TTC14: variants seen among roughly 807,000 people sequenced by gnomAD.
TTC14 encodes the protein tetratricopeptide repeat protein 14.
TTC14 carries 63 observed loss-of-function variants against 79.9 expected under a neutral mutation model. That is an observed-to-expected ratio of 0.79 (90% CI 0.64 to 0.97). The LOEUF (loss-of-function observed/expected upper bound fraction) is 0.97. Among genes scored for constraint, TTC14 ranks in the 50% least tolerant of loss-of-function variants. The pLI is 0.00. For synonymous variants in TTC14, 335 were observed against 309.6 expected (o/e 1.08, Z -0.86); for missense variants, 895 against 894.0 (o/e 1.00, Z -0.01).
intron 9 of TTC14, 141 bp downstream of exon 9, chr3:180,606,744 A>G (rs974684703): frequency 9.6e-6 from 10 of 1,043,604 alleles, no homozygotes; most frequent in South Asian, 8.7e-5. Context: ...AGTACAAGAG[A>G]TTAGGCAAAT....
chr3:180,611,479 C>A (rs1226359083), downstream of TTC14, among the ~76,000 whole-genome samples: 2 of 152,170 alleles, frequency 1.3e-5, no homozygotes, highest in Admixed American at 1.3e-4. Flanking sequence ...CTTACCACCT[C>A]CTGTGCCTTG....
In TTC14 at chr3:180,610,614, G is replaced by T; in HGVS notation, c.*72G>T. ...GTTTTTGGTTGTATTAGTCATAACA[G>T]TTGAGTGCAGAAATCTCTGCTTCTA... On this transcript the variant is annotated 3_prime_UTR_variant, in exon 12 of 12. Coordinates refer to ENST00000296015, the MANE Select transcript of TTC14 (RefSeq NM_133462.4). 1 of 1,497,662 alleles carries T rather than the reference G, an allele frequency of 6.7e-7. No individual in the cohort carries two copies. Among genetic ancestry groups the T allele is most frequent in the Non-Finnish European group, 8.8e-7 (1 of 1,130,134 alleles). 92.8% of individuals were successfully genotyped at this position (1,497,662 alleles called of 1,614,324 possible).
chr3:180,614,846 G>T, downstream of TTC14: 1 of 1,350,712 alleles, frequency 7.4e-7, no homozygotes, highest in South Asian at 1.4e-5. Flanking sequence ...TAGATAAAAT[G>T]TGTTGGGTCG....
chr3:180,615,943 A>T (rs933162827), downstream of TTC14, among the ~76,000 whole-genome samples: 3 of 152,198 alleles, frequency 2.0e-5, no homozygotes, highest in Admixed American at 6.5e-5. Context: ...ACATGTTTTT[A>T]AAAAAATTCC....
At chr3:180,607,951 A>G in intron 10 of TTC14, 186 bp downstream of exon 10, 4 of 1,346,628 alleles carry the variant, frequency 3.0e-6, no homozygotes, top group Non-Finnish European at 3.8e-6. Flanking sequence ...TCCATAATCG[A>G]AAGTAAAGAT....
intron 11 of TTC14, chr3:180,609,362 A>G (rs1163665086): frequency 4.4e-6 from 5 of 1,131,506 alleles, no homozygotes; most frequent in Admixed American, 4.4e-5. Context: ...TTATGTGTTC[A>G]GTAGTCTTAA....
rs375755611 is a variant in TTC14, at chr3:180,603,306, G to A, written c.469G>A (p.Ala157Thr). The A allele has an allele frequency of 3.5e-5, 56 of 1,613,774 alleles. 1 individual carries two copies. The highest frequency in any genetic ancestry group is 4.6e-5 in the Non-Finnish European group (54 of 1,179,868). The stretch of plus-strand genomic sequence containing the variant: ...AGGAAGTGGTATCATGAGAGATATA[G>A]CCCACTTAGAAATCACAGTAAGTTA... ...CLGSGIMRDIAHLEITALCPL... is the reference protein window; with the variant it reads ...CLGSGIMRDITHLEITALCPL... The change falls in exon 3 of 12, where the codon GCC becomes ACC. Residue 157 changes from alanine to threonine, a missense_variant. Physicochemically the swap from Ala to Thr is moderately conservative, Grantham distance 58. Coordinates refer to ENST00000296015, the MANE Select transcript of TTC14 (RefSeq NM_133462.4).
In TTC14 at chr3:180,610,639, A is replaced by G; in HGVS notation, c.*97A>G. 6.7e-7 allele frequency: 1 copy of G among 1,482,176 alleles called. No individual in the cohort carries two copies. The highest frequency in any genetic ancestry group is 1.4e-5 in the African/African-American group (1 of 71,228). The allele number at this position is 1,482,176 out of a possible 1,614,324, so 91.8% of individuals were successfully genotyped here. ...GTTGAGTGCAGAAATCTCTGCTTCT[A>G]AAATTATTTGTAGAGATTACAGGAA... On this transcript the variant is annotated 3_prime_UTR_variant, in exon 12 of 12. Coordinates refer to ENST00000296015, the MANE Select transcript of TTC14 (RefSeq NM_133462.4).
downstream of TTC14, chr3:180,614,403 G>A (rs1443781086): frequency 3.3e-5 from 5 of 151,894 alleles, no homozygotes; most frequent in Non-Finnish European, 5.9e-5. Flanking sequence ...AGGGGTTGAT[G>A]CTATTTTTTG....
downstream of TTC14, chr3:180,614,586 T>C: frequency 4.9e-6 from 1 of 205,520 alleles, no homozygotes; most frequent in Non-Finnish European, 9.7e-6. Context: ...AAATTTCTTC[T>C]TGAAAGATTG....
intron 12 of TTC14, chr3:180,616,758 A>G: frequency 6.3e-7 from 1 of 1,577,282 alleles, no homozygotes; most frequent in Non-Finnish European, 8.6e-7. Context: ...TATTTTTAAT[A>G]GATGAAGGAG....
At position 180,606,541 on chromosome 3, in the gene TTC14, C is replaced by T. The variant is rs752742052; in HGVS notation, c.1110C>T (p.Asn370=). The change falls in exon 9 of 12, where the codon AAC becomes AAT. Residue 370 remains asparagine, a synonymous_variant. Transcript: ENST00000296015. ...AAGATTTTGAGCTTGCATTAGAAAA[C>T]TGTCCAACTCACAGAAATGCAAGAA... ...AIEDFELALE[N]CPTHRNARKY... The T allele has an allele frequency of 6.2e-7, 1 of 1,613,994 alleles. No homozygotes were observed. The highest frequency in any genetic ancestry group is 1.1e-5 in the South Asian group (1 of 91,074).
chr3:180,605,787 T>G lies in TTC14; in HGVS notation c.879T>G (p.Asp293Glu). 1 of 1,567,244 alleles carries G rather than the reference T, an allele frequency of 6.4e-7. No homozygotes were observed. The highest frequency in any genetic ancestry group is 8.6e-7 in the Non-Finnish European group (1 of 1,166,794). Residue 293 changes from aspartate (D) to glutamate (E), a missense_variant, in exon 7 of 12, where the codon GAT becomes GAG. Asp to Glu is a conservative substitution (Grantham distance 45). Transcript: ENST00000296015. ...GLQSKNFSED[D>E]FASALRKKQS... ...ATAGCAAAAATTTCTCTGAAGATGA[T>G]TTTGCTTCTGCATTGAGAAAAAAAC...
chr3:180,609,632 TAAAGAAGA>T lies in TTC14; in HGVS notation c.1415_1422del (p.Arg472IlefsTer11), dbSNP rs1716878546. On this transcript the variant is annotated frameshift_variant, in exon 12 of 12. Coordinates refer to ENST00000296015, the MANE Select transcript of TTC14 (RefSeq NM_133462.4). LOFTEE classifies it high-confidence loss of function. Reference sequence around the variant, plus strand: ...GACAAATGAACTGTTTTTTTTAGGCTAAAGAAGAAAAGAAGAAAATCAACTTCTTCTTC... The same window carrying T: ...GACAAATGAACTGTTTTTTTTAGGCTAAAGAAGAAAATCAACTTCTTCTTC... 6 of 1,547,784 alleles carry T rather than the reference TAAAGAAGA, an allele frequency of 3.9e-6. No homozygotes were observed. Among genetic ancestry groups the T allele is most frequent in the African/African-American group, 1.4e-5 (1 of 72,178 alleles).
chr3:180,603,009 A>G lies in TTC14; in HGVS notation c.280A>G (p.Ser94Gly), dbSNP rs753162761. Residue 94 changes from serine (S) to glycine (G), a missense_variant, in exon 2 of 12, where the codon AGT becomes GGT. By Grantham distance (56) the Ser-to-Gly change is moderately conservative (BLOSUM62 0). Coordinates refer to ENST00000296015, the MANE Select transcript of TTC14 (RefSeq NM_133462.4). ...TGCAACTTCTGAAATTAATGAAGAC[A>G]GTGAAGGTCAGTTTAGCCTTAAAAT... ...APATSEINED[S>G]EDHYAIMPPL... 1.9e-6 allele frequency: 3 copies of G among 1,613,254 alleles called. No homozygotes were observed. The highest frequency in any genetic ancestry group is 2.5e-6 in the Non-Finnish European group (3 of 1,179,810).
rs1410048879 is a variant in TTC14 at position 180,602,958 on chromosome 3, G to C, written c.229G>C (p.Ala77Pro). 1.2e-6 allele frequency: 2 copies of C among 1,613,898 alleles called. No homozygotes were observed. The highest frequency in any genetic ancestry group is 3.3e-5 in the Admixed American group (2 of 59,982). Residue 77 changes from alanine (A) to proline (P), a missense_variant, in exon 2 of 12, where the codon GCA becomes CCA. By Grantham distance (27) the Ala-to-Pro change is conservative. Coordinates refer to ENST00000296015, the MANE Select transcript of TTC14 (RefSeq NM_133462.4). ...CTCCAAAAAAGCGGATCTGCTTTTT[G>C]CACTTTCCTGGAAATCAGATGCACC... is the stretch of plus-strand genomic sequence containing the variant. ...FISKKADLLFALSWKSDAPAT... is the reference protein window; with the variant it reads ...FISKKADLLFPLSWKSDAPAT...
Position 180,610,452 on chromosome 3 carries a change from T to C in TTC14, c.2223T>C (p.Ser741=), listed in dbSNP as rs1716940310. 3 of 1,609,706 alleles carry C rather than the reference T, an allele frequency of 1.9e-6. No individual in the cohort carries two copies. Among genetic ancestry groups the C allele is most frequent in the African/African-American group, 1.3e-5 (1 of 74,646 alleles). ...ALSSKEHSES[S]VKKNLPQNLL... is the part of the protein sequence containing the mutation. Reference sequence around the variant, plus strand: ...GTAGCAAAGAACACTCAGAAAGCAGTGTTAAGAAAAATTTACCTCAGAATT... The same window carrying C: ...GTAGCAAAGAACACTCAGAAAGCAGCGTTAAGAAAAATTTACCTCAGAATT... The change falls in exon 12 of 12, where the codon AGT becomes AGC. Residue 741 remains serine, a synonymous_variant. Transcript: ENST00000296015.
At chr3:180,615,950 T>C (rs961821666), downstream of TTC14, among the ~76,000 whole-genome samples, 1 of 152,174 alleles carries the variant, frequency 6.6e-6, no homozygotes, top group African/African-American at 2.4e-5. Context: ...TTTAAAAAAA[T>C]TCCCCCAACT....
In TTC14 at chr3:180,609,982, G is replaced by GA; in HGVS notation, c.1756dup (p.Ile586AsnfsTer4). On this transcript the variant is annotated frameshift_variant, in exon 12 of 12. Transcript: ENST00000296015. LOFTEE classifies it high-confidence loss of function. ...ATGCCCTCTCTCTTCATCTTCACTTGAAATACCGGATGATTTTGGAGGTAG... is the reference window on the plus strand; with the variant it reads ...ATGCCCTCTCTCTTCATCTTCACTTGAAAATACCGGATGATTTTGGAGGTAG... 6.2e-7 allele frequency: 1 copy of GA among 1,614,050 alleles called. No individual in the cohort carries two copies. Among genetic ancestry groups the GA allele is most frequent in the East Asian group, 2.2e-5 (1 of 44,864 alleles).
Sources: allele counts gnomAD v4.1 joint callset (sites outside exome capture counted in the v4.1 genomes callset), GRCh38; gene constraint gnomAD v4.1.1; transcripts MANE v1.5; gene names NCBI Gene and HGNC (gene_info 2026-07-23, HGNC 2026-07-21).